The following GARRE1 variants were observed in gnomAD, a reference collection of about 807,000 sequenced individuals.
The protein encoded by GARRE1 is granule associated Rac and RHOG effector protein 1.
A neutral mutation model predicts 103.2 loss-of-function variants in GARRE1; 49 were observed. The observed-to-expected ratio is 0.47, with a 90% CI of 0.38 to 0.60. GARRE1 has a LOEUF of 0.60. GARRE1 is among the 20% of genes least tolerant of loss of function. The pLI is 0.00. For synonymous variants in GARRE1, 505 were observed against 532.8 expected (o/e 0.95, Z 0.72); for missense variants, 1,199 against 1,370.5 (o/e 0.87, Z 1.98).
intron 2 of GARRE1, among the ~76,000 whole-genome samples, chr19:34,308,838 C>T (rs2074023611): frequency 6.6e-6 from 1 of 152,124 alleles, no homozygotes; most frequent in South Asian, 2.1e-4. Context: ...AGAAAAATCT[C>T]CACTTTGCAG....
intron 8 of GARRE1, among the ~76,000 whole-genome samples, chr19:34,336,136 A>G (rs2145274907): frequency 6.6e-6 from 1 of 152,060 alleles, no homozygotes; most frequent in Non-Finnish European, 1.5e-5. Context: ...GACTACAGGC[A>G]TGTGCCATCA....
chr19:34,290,592 G>T (rs34581172), intron 1 of GARRE1, among the ~76,000 whole-genome samples: 7 of 151,594 alleles, frequency 4.6e-5, no homozygotes, highest in Admixed American at 6.6e-5. Flanking sequence ...CAAACTCCTG[G>T]GTTCAAATGA....
At chr19:34,281,002 A>C (rs979780358) in intron 1 of GARRE1, among the ~76,000 whole-genome samples, 1 of 152,098 alleles carries the variant, frequency 6.6e-6, no homozygotes, top group African/African-American at 2.4e-5. Context: ...CCATGATTTC[A>C]GACTGATTTA....
At position 34,342,237 on chromosome 19, in the gene GARRE1, T is replaced by C. The variant is rs1360494418; in HGVS notation, c.2303T>C (p.Val768Ala). The change falls in exon 10 of 14, where the codon GTT becomes GCT. Residue 768 changes from valine to alanine, a missense_variant. Coordinates refer to ENST00000299505, the MANE Select transcript of GARRE1 (RefSeq NM_014686.5). ...HGSSQQPAQAVGAGLSPLGQW... is the reference protein window; with the variant it reads ...HGSSQQPAQAAGAGLSPLGQW... Reference sequence around the variant, plus strand: ...TCATCCCAGCAGCCAGCGCAGGCTGTTGGAGCAGGTCTGTCTCCTCTTGGT... The same window carrying C: ...TCATCCCAGCAGCCAGCGCAGGCTGCTGGAGCAGGTCTGTCTCCTCTTGGT... The C allele has an allele frequency of 5.0e-6, 8 of 1,614,080 alleles. No homozygotes were observed. The Admixed American group carries it at 1.3e-4, about 27-fold the overall frequency.
At chr19:34,276,747 A>G (rs1401208186) in intron 1 of GARRE1, among the ~76,000 whole-genome samples, 2 of 152,230 alleles carry the variant, frequency 1.3e-5, no homozygotes, top group Admixed American at 6.5e-5. Flanking sequence ...GTAGCTTGCT[A>G]TAGCAGCCAG....
rs2073657565 is a variant in GARRE1 at position 34,254,588 on chromosome 19, T to G, written c.-822T>G. ...GGTGTACACAGCCGGTCCAAGGCGGTGCGCTGGGGGCCGGGGCGCGTCGCA... is the reference window on the plus strand; with the variant it reads ...GGTGTACACAGCCGGTCCAAGGCGGGGCGCTGGGGGCCGGGGCGCGTCGCA... On this transcript the variant is annotated 5_prime_UTR_variant, in exon 1 of 14. Coordinates refer to ENST00000299505, the MANE Select transcript of GARRE1 (RefSeq NM_014686.5). The G allele has an allele frequency of 1.4e-5, 2 of 146,662 alleles. No individual in the cohort carries two copies. The highest frequency in any genetic ancestry group is 3.8e-4 in the South Asian group (2 of 5,260). 9.1% of individuals were successfully genotyped at this position (146,662 alleles called of 1,614,324 possible).
At chr19:34,285,845 A>G (rs2073882865) in intron 1 of GARRE1, among the ~76,000 whole-genome samples, 1 of 152,196 alleles carries the variant, frequency 6.6e-6, no homozygotes, top group Non-Finnish European at 1.5e-5. Flanking sequence ...TTTGATTACA[A>G]CAAAGATCTG....
chr19:34,334,104 GTAT>G (rs2074150030), intron 8 of GARRE1, among the ~76,000 whole-genome samples: 1 of 152,148 alleles, frequency 6.6e-6, no homozygotes. Context: ...TTTAAACATA[GTAT>G]ATCATTTTCT....
intron 2 of GARRE1, among the ~76,000 whole-genome samples, chr19:34,307,411 A>C (rs1451941891): frequency 2.0e-5 from 3 of 151,998 alleles, no homozygotes; most frequent in Non-Finnish European, 4.4e-5. Flanking sequence ...TGGGGCTCCC[A>C]GGAGTTGTAT....
intron 2 of GARRE1, among the ~76,000 whole-genome samples, chr19:34,303,708 C>T (rs1001546990): frequency 4.0e-5 from 6 of 151,694 alleles, no homozygotes; most frequent in South Asian, 4.2e-4. Flanking sequence ...CTCCGCTGCC[C>T]GGGTTCAAGC....
intron 2 of GARRE1, among the ~76,000 whole-genome samples, chr19:34,307,716 T>C (rs960782534): frequency 7.7e-6 from 1 of 129,632 alleles, no homozygotes; most frequent in Non-Finnish European, 1.7e-5. Context: ...CTTATATATA[T>C]ACTATATATA....
chr19:34,312,356 C>T (rs1372001316), intron 2 of GARRE1, among the ~76,000 whole-genome samples: 1 of 152,166 alleles, frequency 6.6e-6, no homozygotes, highest in African/African-American at 2.4e-5. Flanking sequence ...ATTAAGTACA[C>T]TTACATTGTT....
chr19:34,311,486 G>C (rs965293252), intron 2 of GARRE1, among the ~76,000 whole-genome samples: 2 of 152,016 alleles, frequency 1.3e-5, no homozygotes, highest in African/African-American at 4.8e-5. Context: ...TAGGAGCCTC[G>C]CATGAGTGTG....
intron 8 of GARRE1, among the ~76,000 whole-genome samples, chr19:34,335,004 C>T (rs1181485260): frequency 6.6e-6 from 1 of 151,024 alleles, no homozygotes; most frequent in East Asian, 2.0e-4. Context: ...GATCGTGCCA[C>T]TGCACTCCAG....
chr19:34,347,761 T>C (rs1239006061), intron 10 of GARRE1, 116 bp from the exon 11 acceptor site: 1 of 1,024,156 alleles, frequency 9.8e-7, no homozygotes, highest in Non-Finnish European at 1.4e-6. Context: ...GGCACAAGCC[T>C]GGCAGCTCCT....
At chr19:34,259,865 AGT>A in intron 1 of GARRE1, among the ~76,000 whole-genome samples, 1 of 152,332 alleles carries the variant, frequency 6.6e-6, no homozygotes, top group African/African-American at 2.4e-5. Context: ...TGCTTGTGAT[AGT>A]GAGCAACTTC....
intron 1 of GARRE1, among the ~76,000 whole-genome samples, chr19:34,261,992 CT>C (rs904311323): frequency 2.7e-5 from 4 of 150,898 alleles, no homozygotes; most frequent in Non-Finnish European, 4.4e-5. Flanking sequence ...GTCTCCCTGC[CT>C]TTTTTTTTGA....
chr19:34,271,541 C>T (rs1403514675), intron 1 of GARRE1, among the ~76,000 whole-genome samples: 1 of 151,862 alleles, frequency 6.6e-6, no homozygotes, highest in African/African-American at 2.4e-5. Flanking sequence ...AGCCACCACG[C>T]CCGGCCCCTT....
At chr19:34,310,947 A>G (rs952327026) in intron 2 of GARRE1, among the ~76,000 whole-genome samples, 10 of 151,766 alleles carry the variant, frequency 6.6e-5, no homozygotes, top group Non-Finnish European at 1.5e-4. Flanking sequence ...TGAATATCCA[A>G]TCTCTTTTTT....
Sources: allele counts gnomAD v4.1 joint callset (sites outside exome capture counted in the v4.1 genomes callset), GRCh38; gene constraint gnomAD v4.1.1; transcripts MANE v1.5; gene names NCBI Gene and HGNC (gene_info 2026-07-23, HGNC 2026-07-21).